The following BOP1 variants were observed in gnomAD, a reference collection of about 807,000 sequenced individuals.
BOP1 encodes the protein ribosome biogenesis protein BOP1.
BOP1 carries 54 observed loss-of-function variants against 82.9 expected under a neutral mutation model. The observed-to-expected ratio is 0.65, with a 90% CI of 0.52 to 0.82. BOP1 has a LOEUF of 0.82. Among genes scored for constraint, BOP1 ranks in the 40% least tolerant of loss-of-function variants. The pLI, the probability that BOP1 is intolerant of heterozygous loss-of-function variation, is 0.00. For missense variants in BOP1, 1,170 were observed against 1,072.0 expected, an observed-to-expected ratio of 1.09 and a Z score of -1.28; for synonymous variants, 566 against 451.1, an observed-to-expected ratio of 1.25 and a Z score of -3.23.
chr8:144,268,196 G>A (rs1365202999), intron 3 of BOP1: 57 of 1,547,822 alleles, frequency 3.7e-5, no homozygotes, highest in South Asian at 4.8e-5. Flanking sequence ...GTGGACGCCC[G>A]GGGTGACTGC....
At chr8:144,284,569 ACT>A (rs1319346080) in intron 2 of BOP1, among the ~76,000 whole-genome samples, 1 of 151,976 alleles carries the variant, frequency 6.6e-6, no homozygotes, top group South Asian at 2.1e-4. Flanking sequence ...CCATTCAAAA[ACT>A]CTGTGCGAGT....
chr8:144,264,739 C>G lies in BOP1; in HGVS notation c.638G>C (p.Gly213Ala). ...CTCATAGGGGTTGAAGCCCACATCC[C>G]CAAACTGGCCACTCTGCAGCCGCCG... Reference protein sequence around the residue: ...LVRRLQSGQFGDVGFNPYEPA... With the variant: ...LVRRLQSGQFADVGFNPYEPA... Residue 213 changes from glycine to alanine, a missense_variant, in exon 5 of 16, where the codon GGG becomes GCG. Transcript: ENST00000569669. 1 of 1,585,828 alleles carries G rather than the reference C, an allele frequency of 6.3e-7. No individual in the cohort carries two copies. The highest frequency in any genetic ancestry group is 8.6e-7 in the Non-Finnish European group (1 of 1,167,074).
chr8:144,286,772 C>A (rs555174680), intron 2 of BOP1, among the ~76,000 whole-genome samples: 1 of 152,186 alleles, frequency 6.6e-6, no homozygotes, highest in Non-Finnish European at 1.5e-5. Context: ...TGCTGGATGA[C>A]GGAGCACACA....
intron 3 of BOP1, 87 bp from the exon 4 acceptor site, chr8:144,265,158 G>C: frequency 6.7e-7 from 1 of 1,496,310 alleles, no homozygotes; most frequent in South Asian, 1.2e-5. Flanking sequence ...TGAGGGGGTT[G>C]CAGGGGGAGT....
At chr8:144,279,398 C>T (rs1383657214) in intron 2 of BOP1, among the ~76,000 whole-genome samples, 2 of 152,130 alleles carry the variant, frequency 1.3e-5, no homozygotes, top group African/African-American at 4.8e-5. Flanking sequence ...ATGGCCAAGA[C>T]CACCACCAGC....
chr8:144,290,718 G>C (rs1187002901), intron 1 of BOP1, among the ~76,000 whole-genome samples: 2 of 152,322 alleles, frequency 1.3e-5, no homozygotes, highest in East Asian at 3.9e-4. Flanking sequence ...CAAAGCAATG[G>C]GGCAGTTTCA....
chr8:144,262,898 TC>T lies in BOP1; in HGVS notation c.1848del (p.Met617CysfsTer43). On this transcript the variant is annotated frameshift_variant, in exon 13 of 16. Transcript: ENST00000569669. LOFTEE classifies it high-confidence loss of function. ...CTGGACACCCACTTGCAGTTGGGCA[TC>T]AGCTTCTTGGTGAGCTCCTGGCGCA... ...HLLRQELTKK[L>X]MPNCKWVSSL... The T allele has an allele frequency of 6.6e-7, 1 of 1,510,024 alleles. No homozygotes were observed. The highest frequency in any genetic ancestry group is 1.9e-5 in the Admixed American group (1 of 51,866). 93.5% of individuals were successfully genotyped at this position (1,510,024 alleles called of 1,614,324 possible).
chr8:144,276,253 C>T lies in BOP1; in HGVS notation c.361G>A (p.Glu121Lys), dbSNP rs1845566517. 3 of 1,613,556 alleles carry T rather than the reference C, an allele frequency of 1.9e-6. No homozygotes were observed. The highest frequency in any genetic ancestry group is 1.7e-5 in the Admixed American group (1 of 60,010). ...TCATCAGAGCTGTCCTCCGCATACT[C>T]ATCCCCAATCCGGGCGCTCGCCATC... The part of the protein sequence containing the change: ...TEMASARIGD[E>K]YAEDSSDEED... The change falls in exon 3 of 16, where the codon GAG becomes AAG. Residue 121 changes from glutamate (E) to lysine (K), a missense_variant. Glu to Lys is a moderately conservative substitution (Grantham distance 56). Coordinates refer to ENST00000569669, the MANE Select transcript of BOP1 (RefSeq NM_015201.5).
intron 3 of BOP1, among the ~76,000 whole-genome samples, chr8:144,266,351 C>CGGCG (rs1845362657): frequency 6.6e-6 from 1 of 151,804 alleles, no homozygotes; most frequent in Non-Finnish European, 1.5e-5. Context: ...CCGAGGGACG[C>CGGCG]GGCGGGCGCT....
At chr8:144,272,612 G>C (rs1845508679) in intron 3 of BOP1, among the ~76,000 whole-genome samples, 1 of 152,154 alleles carries the variant, frequency 6.6e-6, no homozygotes, top group African/African-American at 2.4e-5. Flanking sequence ...AAGGACACTG[G>C]CCCCGAGTGG....
chr8:144,278,409 C>T (rs1440118891), intron 2 of BOP1, among the ~76,000 whole-genome samples: 1 of 152,186 alleles, frequency 6.6e-6, no homozygotes, highest in Non-Finnish European at 1.5e-5. Flanking sequence ...GCGCATGAGC[C>T]CCCTATTGTG....
Position 144,263,336 on chromosome 8 carries a change from T to C in BOP1, c.1490A>G (p.Gln497Arg). The change falls in exon 12 of 16, where the codon CAG becomes CGG. Residue 497 changes from glutamine (Q) to arginine (R), a missense_variant. Gln to Arg is a conservative substitution (Grantham distance 43). Coordinates refer to ENST00000569669, the MANE Select transcript of BOP1 (RefSeq NM_015201.5). ...GDRLVAGSTD[Q>R]LLSAFVPPEE... ...AGGCGGGACGAAGGCGCTCAACAGC[T>C]GATCTGTGCTGCCCGCCACCAGCCG... 1 of 1,595,058 alleles carries C rather than the reference T, an allele frequency of 6.3e-7. No homozygotes were observed. Among genetic ancestry groups the C allele is most frequent in the Non-Finnish European group, 8.5e-7 (1 of 1,179,086 alleles).
At chr8:144,286,541 C>A (rs1164231559) in intron 2 of BOP1, among the ~76,000 whole-genome samples, 1 of 130,692 alleles carries the variant, frequency 7.7e-6, no homozygotes, top group Non-Finnish European at 1.6e-5. Flanking sequence ...CACGGCAGGG[C>A]AGGGCCTCGG....
At chr8:144,266,958 G>A in intron 3 of BOP1, 2 of 1,559,546 alleles carry the variant, frequency 1.3e-6, no homozygotes, top group Non-Finnish European at 1.7e-6. Flanking sequence ...CCAAGATTGA[G>A]ACGCTGCGCC....
chr8:144,287,912 C>T (rs1814925525), intron 2 of BOP1, among the ~76,000 whole-genome samples: 1 of 152,168 alleles, frequency 6.6e-6, no homozygotes, highest in South Asian at 2.1e-4. Flanking sequence ...CCGTAACTTC[C>T]AGAACACCGA....
At chr8:144,268,948 G>C (rs1259475026) in intron 3 of BOP1, among the ~76,000 whole-genome samples, 1 of 152,146 alleles carries the variant, frequency 6.6e-6, no homozygotes, top group African/African-American at 2.4e-5. Context: ...CAGCGGAGGG[G>C]GGGGCTCCCA....
chr8:144,269,783 G>A (rs779623823), intron 3 of BOP1, among the ~76,000 whole-genome samples: 100 of 152,300 alleles, frequency 6.6e-4, no homozygotes, highest in Non-Finnish European at 1.2e-3. Context: ...AGGGGCTGAC[G>A]CAGCCCCTTC....
At position 144,263,114 on chromosome 8, in the gene BOP1, G is replaced by A. The variant is rs1022381055; in HGVS notation, c.1633C>T (p.Arg545Cys). The A allele has an allele frequency of 1.3e-5, 21 of 1,593,404 alleles. No individual in the cohort carries two copies. Among genetic ancestry groups the A allele is most frequent in the Middle Eastern group, 2.2e-4 (1 of 4,532 alleles). Reference protein sequence around the residue: ...KPVTQVTWHGRGDYLAVVLAT... With the variant: ...KPVTQVTWHGCGDYLAVVLAT... ...AGCACCACGGCCAGGTAGTCCCCAC[G>A]CCCGTGCCAGGTCACCTGCGTCACT... The change falls in exon 13 of 16, where the codon CGT (arginine) becomes TGT (cysteine). Residue 545 changes from arginine (R) to cysteine (C), a missense_variant. Coordinates refer to ENST00000569669, the MANE Select transcript of BOP1 (RefSeq NM_015201.5).
In BOP1 at chr8:144,263,999, T is replaced by C; in HGVS notation, c.1122A>G (p.Pro374=). The C allele has an allele frequency of 6.2e-7, 1 of 1,609,262 alleles. No individual in the cohort carries two copies. The highest frequency in any genetic ancestry group is 8.5e-7 in the Non-Finnish European group (1 of 1,179,760). Residue 374 remains proline (P), a synonymous_variant, in exon 8 of 16, where the codon CCA becomes CCG. Coordinates refer to ENST00000569669, the MANE Select transcript of BOP1 (RefSeq NM_015201.5). The part of the protein sequence containing the change: ...FERCLDLYLC[P]RQRKMRVNVD... The stretch of plus-strand genomic sequence containing the variant: ...CACACACCCTCATCTTGCGCTGCCG[T>C]GGGCACAGGTACAGGTCAAGGCAGC...
Sources: allele counts gnomAD v4.1 joint callset (sites outside exome capture counted in the v4.1 genomes callset), GRCh38; gene constraint gnomAD v4.1.1; transcripts MANE v1.5; gene names NCBI Gene and HGNC (gene_info 2026-07-23, HGNC 2026-07-21).